The following ADK variants were observed in gnomAD, a reference collection of about 807,000 sequenced individuals.
ADK encodes N6,N6-dimethyladenosine kinase.
Under a neutral mutation model 44.7 loss-of-function variants are expected in ADK, and 24 were observed. That is an observed-to-expected ratio of 0.54 (90% CI 0.39 to 0.76). The LOEUF is 0.76. Ranked by LOEUF, ADK falls within the 30% of genes least tolerant of loss-of-function variation. The pLI, the probability that ADK is intolerant of heterozygous loss-of-function variation, is 0.00. For missense variants in ADK, 321 were observed against 425.1 expected (o/e 0.76, Z 2.15); for synonymous variants, 128 against 142.6 (o/e 0.90, Z 0.73).
intron 6 of ADK, among the ~76,000 whole-genome samples, chr10:74,521,062 T>C (rs977059106): frequency 3.9e-5 from 6 of 152,146 alleles, no homozygotes; most frequent in Non-Finnish European, 8.8e-5. Flanking sequence ...AATTTTGTAA[T>C]GGCACTGTTT....
chr10:74,694,144 C>T (rs1028701938), intron 10 of ADK, among the ~76,000 whole-genome samples: 2 of 63,218 alleles, frequency 3.2e-5, no homozygotes, highest in Non-Finnish European at 6.4e-5. Context: ...TTTTTTCAAA[C>T]ACATTTTTTT....
intron 3 of ADK, among the ~76,000 whole-genome samples, chr10:74,294,134 C>T (rs1021284358): frequency 3.9e-5 from 6 of 152,096 alleles, no homozygotes; most frequent in Admixed American, 3.3e-4. Context: ...TGTCCTATTC[C>T]ATCATATGAA....
intron 6 of ADK, among the ~76,000 whole-genome samples, chr10:74,468,829 T>C (rs1846450655): frequency 6.6e-6 from 1 of 152,218 alleles, no homozygotes; most frequent in South Asian, 2.1e-4. Context: ...CCTTAGTATC[T>C]TCTAATACCT....
intron 9 of ADK, among the ~76,000 whole-genome samples, chr10:74,668,800 A>G (rs1277050880): frequency 6.6e-6 from 1 of 152,178 alleles, no homozygotes; most frequent in Non-Finnish European, 1.5e-5. Context: ...TGGGAGACCA[A>G]GGCAGGAGGA....
chr10:74,348,446 G>T (rs532586847), intron 4 of ADK, among the ~76,000 whole-genome samples: 41 of 152,208 alleles, frequency 2.7e-4, no homozygotes, highest in Non-Finnish European at 4.4e-4. Context: ...CAGCCTCAAA[G>T]ATCAAAGGTA....
At chr10:74,275,788 G>T (rs146354826) in intron 3 of ADK, among the ~76,000 whole-genome samples, 3 of 151,954 alleles carry the variant, frequency 2.0e-5, no homozygotes, top group African/African-American at 7.3e-5. Context: ...CCTCCAGTGC[G>T]GACCACTATG....
At chr10:74,247,830 T>C (rs537411710) in intron 3 of ADK, among the ~76,000 whole-genome samples, 1 of 152,148 alleles carries the variant, frequency 6.6e-6, no homozygotes, top group African/African-American at 2.4e-5. Context: ...TTTTTCCTTT[T>C]TTTCCCCCCT....
chr10:74,439,513 C>G (rs570249468), intron 6 of ADK, among the ~76,000 whole-genome samples: 3 of 152,120 alleles, frequency 2.0e-5, no homozygotes, highest in Non-Finnish European at 4.4e-5. Context: ...GACCATTATT[C>G]TGGGTTATCA....
At chr10:74,353,665 G>C (rs1163807305) in intron 4 of ADK, among the ~76,000 whole-genome samples, 1 of 151,484 alleles carries the variant, frequency 6.6e-6, no homozygotes, top group East Asian at 1.9e-4. Context: ...TCAGGAGATC[G>C]AGACCATCCT....
intron 9 of ADK, among the ~76,000 whole-genome samples, chr10:74,628,979 G>T (rs976136218): frequency 6.6e-6 from 1 of 152,068 alleles, no homozygotes; most frequent in African/African-American, 2.4e-5. Flanking sequence ...CAGAAGCTTT[G>T]CAGTCACAAT....
chr10:74,301,608 A>G (rs1840034701), intron 3 of ADK, among the ~76,000 whole-genome samples: 1 of 151,882 alleles, frequency 6.6e-6, no homozygotes, highest in African/African-American at 2.4e-5. Flanking sequence ...ACTAAACCTG[A>G]TAAACAAAAA....
chr10:74,209,072 G>T (rs1843710310), intron 2 of ADK, among the ~76,000 whole-genome samples: 1 of 152,084 alleles, frequency 6.6e-6, no homozygotes, highest in South Asian at 2.1e-4. Flanking sequence ...TTGAATGATG[G>T]TATCCTCTCC....
At chr10:74,380,085 A>T (rs1339288724) in intron 4 of ADK, among the ~76,000 whole-genome samples, 1 of 152,020 alleles carries the variant, frequency 6.6e-6, no homozygotes, top group Admixed American at 6.5e-5. Flanking sequence ...TTTCTCAAAC[A>T]TTTTTTTCTT....
intron 4 of ADK, among the ~76,000 whole-genome samples, chr10:74,328,400 C>T (rs1841092639): frequency 6.6e-6 from 1 of 150,420 alleles, no homozygotes; most frequent in African/African-American, 2.4e-5. Context: ...CCATAGAAAA[C>T]TTGCATCCAG....
intron 10 of ADK, among the ~76,000 whole-genome samples, chr10:74,684,454 TAAAAG>T (rs1855720677): frequency 6.6e-6 from 1 of 152,044 alleles, no homozygotes; most frequent in Non-Finnish European, 1.5e-5. Flanking sequence ...AAAATCAACT[TAAAAG>T]AAGTAGTAAA....
At chr10:74,665,410 G>A (rs1039342397) in intron 9 of ADK, among the ~76,000 whole-genome samples, 3 of 152,058 alleles carry the variant, frequency 2.0e-5, no homozygotes, top group African/African-American at 7.2e-5. Context: ...TGGGTCAGAG[G>A]CAGTGGCAGG....
At chr10:74,479,555 G>A (rs1357433749) in intron 6 of ADK, among the ~76,000 whole-genome samples, 1 of 151,598 alleles carries the variant, frequency 6.6e-6, no homozygotes, top group African/African-American at 2.4e-5. Flanking sequence ...GATATATTTG[G>A]CCTCAAACCT....
chr10:74,584,636 C>T (rs767430740), intron 7 of ADK, among the ~76,000 whole-genome samples: 12 of 152,230 alleles, frequency 7.9e-5, no homozygotes, highest in Non-Finnish European at 1.5e-4. Flanking sequence ...TATACCACTC[C>T]GTTTAGGAGT....
intron 6 of ADK, among the ~76,000 whole-genome samples, chr10:74,420,271 A>G (rs1471232187): frequency 6.6e-6 from 1 of 152,162 alleles, no homozygotes; most frequent in African/African-American, 2.4e-5. Flanking sequence ...AAGGGGAAAG[A>G]GGAAGTACAA....
Sources: allele counts gnomAD v4.1 joint callset (sites outside exome capture counted in the v4.1 genomes callset), GRCh38; gene constraint gnomAD v4.1.1; transcripts MANE v1.5; gene names NCBI Gene and HGNC (gene_info 2026-07-23, HGNC 2026-07-21).